Variants in CNTNAP4 observed in about 807,000 individuals in gnomAD.
CNTNAP4 encodes the protein contactin-associated protein-like 4.
Under a neutral mutation model 148.4 loss-of-function variants are expected in CNTNAP4, and 98 were observed. The ratio of observed to expected loss-of-function variants is 0.66; its 90% CI spans 0.56 to 0.78. CNTNAP4 has a LOEUF of 0.78. CNTNAP4 is among the 30% of genes least tolerant of loss of function. The pLI is 0.00. For synonymous variants in CNTNAP4, 730 were observed against 565.1 expected (o/e 1.29, Z -4.14); for missense variants, 1,935 against 1,565.6 (o/e 1.24, Z -3.98).
At chr16:76,280,780 C>T (rs1299062717) in intron 1 of CNTNAP4, among the ~76,000 whole-genome samples, 2 of 152,096 alleles carry the variant, frequency 1.3e-5, no homozygotes, top group African/African-American at 4.8e-5. Flanking sequence ...AAGAGACATG[C>T]ATTAAGAACA....
chr16:76,387,054 A>G (rs1475563622), intron 3 of CNTNAP4, among the ~76,000 whole-genome samples: 1 of 152,210 alleles, frequency 6.6e-6, no homozygotes, highest in Non-Finnish European at 1.5e-5. Flanking sequence ...AGCCTCCAAA[A>G]AAAGCATGCA....
chr16:76,371,553 G>A (rs1359581678), intron 3 of CNTNAP4, among the ~76,000 whole-genome samples: 1 of 152,138 alleles, frequency 6.6e-6, no homozygotes, highest in Non-Finnish European at 1.5e-5. Flanking sequence ...CCAAAATGCT[G>A]GGATTACAGG....
chr16:76,520,150 C>T (rs2083400478), intron 15 of CNTNAP4, among the ~76,000 whole-genome samples: 1 of 152,144 alleles, frequency 6.6e-6, no homozygotes, highest in Admixed American at 6.6e-5. Flanking sequence ...ATTTGATGTG[C>T]AGAGAACTTG....
At chr16:76,458,426 A>G (rs1441030176) in intron 8 of CNTNAP4, among the ~76,000 whole-genome samples, 1 of 152,138 alleles carries the variant, frequency 6.6e-6, no homozygotes, top group East Asian at 1.9e-4. Context: ...ATTGTAATAT[A>G]TAGTGAAATA....
intron 23 of CNTNAP4, among the ~76,000 whole-genome samples, chr16:76,556,119 G>A (rs2085187327): frequency 6.6e-6 from 1 of 152,080 alleles, no homozygotes; most frequent in Non-Finnish European, 1.5e-5. Flanking sequence ...CTACATCTTA[G>A]ATGATTTTTT....
At chr16:76,365,550 A>C (rs2014006382) in intron 3 of CNTNAP4, among the ~76,000 whole-genome samples, 1 of 152,082 alleles carries the variant, frequency 6.6e-6, no homozygotes. Context: ...CAGGAGTTCA[A>C]AACTAGCCTG....
chr16:76,430,545 T>C (rs1250846085), intron 4 of CNTNAP4, among the ~76,000 whole-genome samples: 2 of 152,104 alleles, frequency 1.3e-5, no homozygotes, highest in Admixed American at 1.3e-4. Flanking sequence ...GGAAAAGTGG[T>C]GTTGGGGAGT....
intron 14 of CNTNAP4, among the ~76,000 whole-genome samples, chr16:76,497,754 G>T (rs1307299736): frequency 6.6e-6 from 1 of 152,112 alleles, no homozygotes; most frequent in Non-Finnish European, 1.5e-5. Context: ...ATGATGGGTT[G>T]ATGGGTGCAG....
intron 3 of CNTNAP4, among the ~76,000 whole-genome samples, chr16:76,408,556 T>A (rs1307789579): frequency 6.6e-6 from 1 of 152,028 alleles, no homozygotes; most frequent in Admixed American, 6.6e-5. Context: ...CCATGATCTG[T>A]ATTATTTTGA....
In CNTNAP4 at chr16:76,522,170, C is replaced by T. The variant is rs2083481231; in HGVS notation, c.2668C>T (p.Leu890Phe). The T allele has an allele frequency of 4.3e-6, 7 of 1,613,850 alleles. No individual in the cohort carries two copies. The highest frequency in any genetic ancestry group is 5.9e-6 in the Non-Finnish European group (7 of 1,179,886). ...TGAAAGGAACATGAAGGAGGCCTCC[C>T]TTCAAGTGGATCAGCTGACACCAAA... Reference protein sequence around the residue: ...RVERNMKEASLQVDQLTPKTQ... With the variant: ...RVERNMKEASFQVDQLTPKTQ... Residue 890 changes from leucine to phenylalanine, a missense_variant, in exon 17 of 24, where the codon CTT becomes TTT. Transcript: ENST00000611870.
At position 76,326,787 on chromosome 16, in the gene CNTNAP4, C is replaced by A. The variant is rs370043952; in HGVS notation, c.196+10264C>A. 6.8e-5 allele frequency among the ~76,000 whole-genome samples: 7 copies of A among 102,260 alleles called. No individual in the cohort carries two copies. The South Asian group carries it at 2.6e-3, about 38-fold the overall frequency. 67.1% of individuals were successfully genotyped at this position (102,260 alleles called of 152,430 possible). ...ACACAGGAAGGGGAACATCACACAC[C>A]GGGGCCTGTTGTGGGGTGGGGGTGG... is the stretch of plus-strand genomic sequence containing the variant. On this transcript the variant is annotated intron_variant, in intron 2 of 23. Coordinates refer to ENST00000611870, the MANE Select transcript of CNTNAP4 (RefSeq NM_033401.5).
intron 2 of CNTNAP4, among the ~76,000 whole-genome samples, chr16:76,333,699 T>G (rs185612840): frequency 6.6e-6 from 1 of 151,718 alleles, no homozygotes; most frequent in Non-Finnish European, 1.5e-5. Flanking sequence ...ACATTTTGAA[T>G]ATTACAGTGT....
At position 76,355,378 on chromosome 16, in the gene CNTNAP4, G is replaced by A. The variant is rs754356758; in HGVS notation, c.257G>A (p.Gly86Glu). 4 of 1,608,194 alleles carry A rather than the reference G, an allele frequency of 2.5e-6. No individual in the cohort carries two copies. Among genetic ancestry groups the A allele is most frequent in the Non-Finnish European group, 3.4e-6 (4 of 1,176,930 alleles). Residue 86 changes from glycine to glutamate, a missense_variant, in exon 3 of 24, where the codon GGA becomes GAA. Transcript: ENST00000611870. ...NKYQWLQIDL[G>E]ERMEVTAVAT... ...TACCAGTGGTTGCAGATTGACCTTG[G>A]AGAGAGAATGGAGGTCACCGCTGTG... is the stretch of plus-strand genomic sequence containing the variant.
chr16:76,457,694 T>A (rs960607319), intron 8 of CNTNAP4, among the ~76,000 whole-genome samples: 2 of 152,200 alleles, frequency 1.3e-5, no homozygotes, highest in Non-Finnish European at 2.9e-5. Context: ...AATGTTAAAA[T>A]TGAGATTAAA....
At chr16:76,290,441 C>G (rs1959066600) in intron 1 of CNTNAP4, among the ~76,000 whole-genome samples, 1 of 152,186 alleles carries the variant, frequency 6.6e-6, no homozygotes, top group Admixed American at 6.5e-5. Context: ...TTCATCTTAA[C>G]AACAAGCCCC....
chr16:76,543,177 C>T (rs775261756), intron 21 of CNTNAP4, among the ~76,000 whole-genome samples: 3 of 151,706 alleles, frequency 2.0e-5, no homozygotes, highest in Non-Finnish European at 4.4e-5. Flanking sequence ...AACTGACTCT[C>T]CTAAAAGTAT....
Position 76,448,000 on chromosome 16 carries a change from C to T in CNTNAP4, c.539-12C>T. 3.1e-6 allele frequency: 5 copies of T among 1,595,250 alleles called. No individual in the cohort carries two copies. Among genetic ancestry groups the T allele is most frequent in the Non-Finnish European group, 4.3e-6 (5 of 1,164,292 alleles). On this transcript the variant is annotated splice_polypyrimidine_tract_variant and intron_variant, in intron 4 of 23. Transcript: ENST00000611870. ...TTATCCTTAGAATGCCTTCTACTAT[C>T]TTTGTTTCTAGGATCAGAAGTGGTT...
At chr16:76,400,743 G>A (rs1249895857) in intron 3 of CNTNAP4, among the ~76,000 whole-genome samples, 4 of 151,970 alleles carry the variant, frequency 2.6e-5, no homozygotes, top group African/African-American at 7.3e-5. Flanking sequence ...GTCCAGTTTC[G>A]GTTTTCTACT....
intron 3 of CNTNAP4, among the ~76,000 whole-genome samples, chr16:76,391,171 A>G (rs914367307): frequency 5.9e-5 from 9 of 152,240 alleles, no homozygotes; most frequent in African/African-American, 9.6e-5. Flanking sequence ...CCAATCTTTT[A>G]TCTATTGATG....
Sources: allele counts gnomAD v4.1 joint callset (sites outside exome capture counted in the v4.1 genomes callset), GRCh38; gene constraint gnomAD v4.1.1; transcripts MANE v1.5; gene names NCBI Gene and HGNC (gene_info 2026-07-23, HGNC 2026-07-21).